The following ERBB4 variants were observed in gnomAD, a reference collection of about 807,000 sequenced individuals.
ERBB4 encodes receptor tyrosine-protein kinase erbB-4.
A neutral mutation model predicts 158.0 loss-of-function variants in ERBB4; 42 were observed. That is an observed-to-expected ratio of 0.27 (90% confidence interval 0.21 to 0.34). The LOEUF (loss-of-function observed/expected upper bound fraction) is 0.34, where lower values mean the gene tolerates loss of function less well. Among genes scored for constraint, ERBB4 ranks in the 10% least tolerant of loss-of-function variants. The pLI, the probability that ERBB4 is intolerant of heterozygous loss-of-function variation, is 1.00. For synonymous variants in ERBB4, 583 were observed against 558.7 expected, an observed-to-expected ratio of 1.04 and a Z score of -0.61; for missense variants, 1,333 against 1,624.1, an observed-to-expected ratio of 0.82 and a Z score of 3.08.
intron 2 of ERBB4, among the ~76,000 whole-genome samples, chr2:211,983,908 GATCT>G (rs2081870728): frequency 6.6e-6 from 1 of 152,058 alleles, no homozygotes; most frequent in African/African-American, 2.4e-5. Context: ...ACAGAATAAT[GATCT>G]ATTATTGATC....
At chr2:212,153,895 G>GT (rs1292128853) in intron 1 of ERBB4, among the ~76,000 whole-genome samples, 1 of 151,788 alleles carries the variant, frequency 6.6e-6, no homozygotes, top group Admixed American at 6.6e-5. Context: ...TTTTAAAAAA[G>GT]GCAGATTATG....
intron 1 of ERBB4, among the ~76,000 whole-genome samples, chr2:212,413,658 G>A (rs765341523): frequency 3.9e-5 from 6 of 152,080 alleles, no homozygotes; most frequent in Middle Eastern, 3.4e-3. Flanking sequence ...AGCAGAAAGG[G>A]CCCTGGGCTT....
chr2:211,750,741 T>C, intron 4 of ERBB4, 37 bp from the exon 5 acceptor site: 1 of 1,574,330 alleles, frequency 6.4e-7, no homozygotes, highest in Non-Finnish European at 8.7e-7. Context: ...ACATGCACGT[T>C]ATAATCTTTC....
intron 3 of ERBB4, among the ~76,000 whole-genome samples, chr2:211,863,759 T>A (rs2078131139): frequency 6.6e-6 from 1 of 152,170 alleles, no homozygotes; most frequent in African/African-American, 2.4e-5. Flanking sequence ...ATTCTTGAAG[T>A]CAGCAAGACC....
chr2:212,160,882 C>G (rs2081183984), intron 1 of ERBB4, among the ~76,000 whole-genome samples: 1 of 151,888 alleles, frequency 6.6e-6, no homozygotes. Context: ...AGGGGAAGCG[C>G]TTGATCTCAG....
At position 211,885,650 on chromosome 2, in the gene ERBB4, C is replaced by T. The variant is rs1041872648; in HGVS notation, c.421+61780G>A. Among the ~76,000 whole-genome samples the T allele has an allele frequency of 2.2e-4, 34 of 151,866 alleles. 1 individual carries two copies. The highest frequency in any genetic ancestry group is 9.7e-4 in the East Asian group (5 of 5,156). ...ATTTTCTGTACTTTTAGTAGAGACG[C>T]GGTTTCACCAGGTTGTCCAGGCTGG... On this transcript the variant is annotated intron_variant, in intron 3 of 27. Transcript: ENST00000342788.
chr2:211,787,931 T>C, intron 4 of ERBB4, 94 bp downstream of exon 4: 1 of 1,298,672 alleles, frequency 7.7e-7, no homozygotes, highest in Non-Finnish European at 1.1e-6. Context: ...GCAATCAAAG[T>C]TCAAAATATT....
intron 4 of ERBB4, among the ~76,000 whole-genome samples, chr2:211,784,243 G>A (rs1219421704): frequency 6.6e-6 from 1 of 152,164 alleles, no homozygotes; most frequent in Non-Finnish European, 1.5e-5. Flanking sequence ...TCGTTAAAGA[G>A]CAATTGGACA....
chr2:211,708,583 T>C (rs990635296), intron 9 of ERBB4, among the ~76,000 whole-genome samples: 2 of 151,788 alleles, frequency 1.3e-5, no homozygotes, highest in African/African-American at 4.8e-5. Context: ...TTGTTTTTTA[T>C]TGATTTTCAT....
At chr2:212,163,986 A>G (rs1167275389) in intron 1 of ERBB4, among the ~76,000 whole-genome samples, 1 of 151,960 alleles carries the variant, frequency 6.6e-6, no homozygotes, top group Non-Finnish European at 1.5e-5. Flanking sequence ...TTTTTTGTAA[A>G]GATGGGGTCA....
At chr2:211,630,335 TA>T (rs2070057500) in intron 17 of ERBB4, 126 bp downstream of exon 17, 13 of 1,099,796 alleles carry the variant, frequency 1.2e-5, no homozygotes, top group Non-Finnish European at 1.7e-5. Context: ...TAACGGACTA[TA>T]AAATAAAAAA....
chr2:211,564,050 T>C lies in ERBB4; in HGVS notation c.2302-1962A>G, dbSNP rs76641290. ...AATTCACAAATTACTTCCCTTTCAT[T>C]TCAACTTCATTATACTGACAAAAAA... is the stretch of plus-strand genomic sequence containing the variant. On this transcript the variant is annotated intron_variant, in intron 19 of 27. Coordinates refer to ENST00000342788, the MANE Select transcript of ERBB4 (RefSeq NM_005235.3). Among the ~76,000 whole-genome samples the C allele has an allele frequency of 3.9e-3, 598 of 152,306 alleles. 2 individuals carry two copies. Among genetic ancestry groups the C allele is most frequent in the African/African-American group, 0.014 (572 of 41,560 alleles).
intron 2 of ERBB4, among the ~76,000 whole-genome samples, chr2:212,050,431 T>C (rs988135881): frequency 3.9e-5 from 6 of 152,218 alleles, no homozygotes; most frequent in Non-Finnish European, 8.8e-5. Context: ...ATAAATGTGA[T>C]GGAATGCTTT....
chr2:211,409,125 TTTTA>T (rs2063204177), intron 25 of ERBB4, among the ~76,000 whole-genome samples: 2 of 152,148 alleles, frequency 1.3e-5, no homozygotes, highest in Non-Finnish European at 2.9e-5. Context: ...TAGGCTTATA[TTTTA>T]TTTAATTGCT....
At chr2:212,536,759 C>T (rs1284903686) in intron 1 of ERBB4, among the ~76,000 whole-genome samples, 1 of 152,122 alleles carries the variant, frequency 6.6e-6, no homozygotes, top group South Asian at 2.1e-4. Flanking sequence ...GGAGCGGGGT[C>T]CCCCAGTGGC....
intron 1 of ERBB4, among the ~76,000 whole-genome samples, chr2:212,210,937 C>G (rs901057726): frequency 1.3e-5 from 2 of 152,062 alleles, no homozygotes; most frequent in South Asian, 4.1e-4. Context: ...CTCTCATGCT[C>G]AAACCAAAGT....
chr2:211,648,989 A>T (rs185415435), intron 16 of ERBB4, among the ~76,000 whole-genome samples: 95 of 151,998 alleles, frequency 6.3e-4, no homozygotes, highest in Admixed American at 3.1e-3. Context: ...CTCTCACTTA[A>T]GAAAATATTT....
chr2:212,118,681 G>GA (rs530342353), intron 2 of ERBB4, among the ~76,000 whole-genome samples: 1 of 151,412 alleles, frequency 6.6e-6, no homozygotes, highest in Non-Finnish European at 1.5e-5. Flanking sequence ...CTCTGGTAGA[G>GA]AAAAATAAAC....
chr2:211,709,274 T>TATATATATACATATATATATATAC (rs1553615210), intron 9 of ERBB4, among the ~76,000 whole-genome samples: 26 of 136,522 alleles, frequency 1.9e-4, no homozygotes, highest in African/African-American at 6.9e-4. Flanking sequence ...TATATATATA[T>TATATATATACATATATATATATAC]ACATACATAT....
Sources: allele counts gnomAD v4.1 joint callset (sites outside exome capture counted in the v4.1 genomes callset), GRCh38; gene constraint gnomAD v4.1.1; transcripts MANE v1.5; gene names NCBI Gene and HGNC (gene_info 2026-07-23, HGNC 2026-07-21).